The following KHDRBS2 variants were observed in gnomAD, a reference collection of about 807,000 sequenced individuals.
KHDRBS2 encodes the protein KH RNA binding domain containing, signal transduction associated 2, also known as KH domain-containing, RNA-binding, signal transduction-associated protein 2.
A neutral mutation model predicts 44.3 loss-of-function variants in KHDRBS2; 26 were observed. The ratio of observed to expected loss-of-function variants is 0.59; its 90% CI spans 0.43 to 0.81. The LOEUF (loss-of-function observed/expected upper bound fraction) is 0.81, where lower values mean the gene tolerates loss of function less well. Among genes scored for constraint, KHDRBS2 ranks in the 40% least tolerant of loss-of-function variants. The pLI is 0.00. For synonymous variants in KHDRBS2, 194 were observed against 151.1 expected (o/e 1.28, Z -2.08); for missense variants, 476 against 433.1 (o/e 1.10, Z -0.88).
At chr6:62,051,581 G>C (rs1034415593) in intron 2 of KHDRBS2, among the ~76,000 whole-genome samples, 1 of 151,808 alleles carries the variant, frequency 6.6e-6, no homozygotes, top group African/African-American at 2.4e-5. Flanking sequence ...CCTTGGTAAA[G>C]AATTTTTGGA....
intron 6 of KHDRBS2, among the ~76,000 whole-genome samples, chr6:61,805,107 A>G (rs1786935097): frequency 6.6e-6 from 1 of 152,116 alleles, no homozygotes; most frequent in African/African-American, 2.4e-5. Flanking sequence ...AATACATAAA[A>G]CTGAATGCTT....
At position 61,952,329 on chromosome 6, in the gene KHDRBS2, T is replaced by C. The variant is rs150464353; in HGVS notation, c.483+25737A>G. On this transcript the variant is annotated intron_variant, in intron 4 of 8. Transcript: ENST00000281156. ...CTGGGGACAATGGCTTTAGTGTCAA[T>C]GCACCACTGACACATTGAACACTGG... Among the ~76,000 whole-genome samples the C allele has an allele frequency of 1.7e-3, 258 of 152,176 alleles. 1 individual carries two copies. Among genetic ancestry groups the C allele is most frequent in the African/African-American group, 6.0e-3 (249 of 41,544 alleles).
intron 6 of KHDRBS2, among the ~76,000 whole-genome samples, chr6:61,848,932 G>A (rs144601939): frequency 4.0e-5 from 6 of 151,642 alleles, no homozygotes; most frequent in Admixed American, 6.6e-5. Flanking sequence ...TAAGCATTTC[G>A]TTGCCGGAAA....
chr6:62,187,256 C>T (rs1254644559), intron 1 of KHDRBS2, among the ~76,000 whole-genome samples: 1 of 152,024 alleles, frequency 6.6e-6, no homozygotes, highest in Non-Finnish European at 1.5e-5. Context: ...TTAATTTTTC[C>T]AATTGTACAG....
chr6:62,156,262 C>A (rs1816351491), intron 2 of KHDRBS2, among the ~76,000 whole-genome samples: 1 of 152,102 alleles, frequency 6.6e-6, no homozygotes. Context: ...CCAAGTTCTA[C>A]TAAAGTATGT....
chr6:61,706,843 T>C (rs928169087), intron 7 of KHDRBS2, among the ~76,000 whole-genome samples: 1 of 151,776 alleles, frequency 6.6e-6, no homozygotes, highest in African/African-American at 2.4e-5. Flanking sequence ...CCAGACATTA[T>C]TCAAAGTGTT....
intron 4 of KHDRBS2, among the ~76,000 whole-genome samples, chr6:61,910,943 T>C (rs1326471942): frequency 6.6e-6 from 1 of 152,216 alleles, no homozygotes; most frequent in African/African-American, 2.4e-5. Flanking sequence ...AAAGTCAAAA[T>C]AGGCGTTGAT....
intron 1 of KHDRBS2, among the ~76,000 whole-genome samples, chr6:62,240,358 C>A (rs1334507743): frequency 6.6e-6 from 1 of 151,770 alleles, no homozygotes; most frequent in Non-Finnish European, 1.5e-5. Flanking sequence ...TCTACCCAGT[C>A]CTACCATCAG....
chr6:62,114,265 C>T (rs1805690595), intron 2 of KHDRBS2, among the ~76,000 whole-genome samples: 2 of 152,034 alleles, frequency 1.3e-5, no homozygotes, highest in South Asian at 4.1e-4. Context: ...GCATAAGATG[C>T]TTCAGTAACA....
At chr6:61,559,511 T>A in the KHDRBS2 span, among the ~76,000 whole-genome samples, 1 of 152,172 alleles carries the variant, frequency 6.6e-6, no homozygotes, top group Non-Finnish European at 1.5e-5. Context: ...GTCTTCATTT[T>A]AAAGAAGGTA....
chr6:61,888,683 T>C (rs1801342415), intron 6 of KHDRBS2, among the ~76,000 whole-genome samples: 1 of 149,986 alleles, frequency 6.7e-6, no homozygotes, highest in African/African-American at 2.5e-5. Flanking sequence ...TGCCTCAGCC[T>C]CCCGAGTAGC....
chr6:62,017,675 T>C (rs1264604249), intron 3 of KHDRBS2, among the ~76,000 whole-genome samples: 2 of 152,134 alleles, frequency 1.3e-5, no homozygotes, highest in East Asian at 1.9e-4. Flanking sequence ...GAAATTAGTA[T>C]TGAAATTTGC....
chr6:61,996,112 C>A (rs1196793438), intron 3 of KHDRBS2, among the ~76,000 whole-genome samples: 1 of 152,092 alleles, frequency 6.6e-6, no homozygotes, highest in East Asian at 1.9e-4. Flanking sequence ...CCTTCGAAGA[C>A]AACTTTTAAA....
chr6:62,017,952 G>A (rs569027639), intron 3 of KHDRBS2, among the ~76,000 whole-genome samples: 1 of 151,846 alleles, frequency 6.6e-6, no homozygotes, highest in South Asian at 2.1e-4. Flanking sequence ...ATTCTCCACT[G>A]CAAGTTACCG....
At chr6:61,587,632 T>A in the KHDRBS2 span, among the ~76,000 whole-genome samples, 1 of 152,150 alleles carries the variant, frequency 6.6e-6, no homozygotes, top group Non-Finnish European at 1.5e-5. Context: ...TAGTACTAGT[T>A]TTGGCCCCAG....
chr6:61,941,741 G>A lies in KHDRBS2; in HGVS notation c.483+36325C>T, dbSNP rs145122309. ...CAAAGTGTCCTACATAACCAACACCGTAGATACATCTTTAGGAAAAAGTGT... is the reference window on the plus strand; with the variant it reads ...CAAAGTGTCCTACATAACCAACACCATAGATACATCTTTAGGAAAAAGTGT... On this transcript the variant is annotated intron_variant, in intron 4 of 8. Transcript: ENST00000281156. 2.3e-3 allele frequency among the ~76,000 whole-genome samples: 356 copies of A among 152,154 alleles called. 2 individuals are homozygous for A. The highest frequency in any genetic ancestry group is 8.0e-3 in the African/African-American group (332 of 41,508).
At chr6:61,794,253 C>T (rs948458679) in intron 6 of KHDRBS2, among the ~76,000 whole-genome samples, 32 of 152,100 alleles carry the variant, frequency 2.1e-4, no homozygotes, top group African/African-American at 7.2e-4. Context: ...CTGGGAAGTA[C>T]AATATTACCC....
the KHDRBS2 span, among the ~76,000 whole-genome samples, chr6:61,552,959 A>T: frequency 6.6e-6 from 1 of 151,632 alleles, no homozygotes; most frequent in Admixed American, 6.6e-5. Flanking sequence ...CTGACCTGTT[A>T]TTGTTGTTGT....
At chr6:62,029,846 T>G (rs1426338144) in intron 3 of KHDRBS2, among the ~76,000 whole-genome samples, 4 of 151,988 alleles carry the variant, frequency 2.6e-5, no homozygotes, top group Non-Finnish European at 4.4e-5. Context: ...ATTAATATTA[T>G]ATATAGATAT....
Sources: gnomAD v4.1 joint callset for allele counts (sites outside exome capture counted in the v4.1 genomes callset) on GRCh38, gnomAD v4.1.1 for gene constraint, MANE v1.5 for transcripts, NCBI Gene and HGNC (gene_info 2026-07-23, HGNC 2026-07-21) for gene names.